The following ARNT2 variants were observed in gnomAD, a reference collection of about 807,000 sequenced individuals.
ARNT2 encodes the protein ARNT protein 2.
ARNT2 carries 36 observed loss-of-function variants against 91.7 expected under a neutral mutation model. That is an observed-to-expected ratio of 0.39 (90% CI 0.30 to 0.52). The LOEUF (loss-of-function observed/expected upper bound fraction) is 0.52, where lower values mean the gene tolerates loss of function less well. Ranked by LOEUF, ARNT2 falls within the 20% of genes least tolerant of loss-of-function variation. The pLI is 0.72. For synonymous variants in ARNT2, 365 were observed against 347.1 expected, an observed-to-expected ratio of 1.05 and a Z score of -0.57; for missense variants, 775 against 939.3, an observed-to-expected ratio of 0.83 and a Z score of 2.29.
intron 3 of ARNT2, among the ~76,000 whole-genome samples, chr15:80,459,404 G>A (rs575198358): frequency 1.3e-5 from 2 of 152,240 alleles, no homozygotes; most frequent in East Asian, 3.9e-4. Flanking sequence ...GGAAACAAGG[G>A]CACATATCTC....
intron 8 of ARNT2, among the ~76,000 whole-genome samples, chr15:80,514,613 G>A (rs537334432): frequency 2.6e-5 from 4 of 152,348 alleles, no homozygotes; most frequent in South Asian, 2.1e-4. Context: ...GCAACCAGAC[G>A]CAGTGGCTCA....
intron 8 of ARNT2, among the ~76,000 whole-genome samples, chr15:80,522,083 GT>G (rs1216199673): frequency 1.3e-5 from 2 of 152,064 alleles, no homozygotes; most frequent in Admixed American, 1.3e-4. Context: ...AAAAGAATGA[GT>G]TTTCTATATT....
At chr15:80,410,748 A>T (rs868051331) in intron 1 of ARNT2, among the ~76,000 whole-genome samples, 14 of 145,032 alleles carry the variant, frequency 9.7e-5, no homozygotes, top group African/African-American at 3.6e-4. Flanking sequence ...CCAGCAATCC[A>T]TTCATTTTTA....
At chr15:80,462,197 C>A (rs905183956) in intron 3 of ARNT2, among the ~76,000 whole-genome samples, 6 of 129,890 alleles carry the variant, frequency 4.6e-5, no homozygotes, top group Non-Finnish European at 1.0e-4. Flanking sequence ...TTTAATGGAC[C>A]CTTAGATTGA....
intron 8 of ARNT2, among the ~76,000 whole-genome samples, chr15:80,528,443 C>T (rs974689423): frequency 6.6e-6 from 1 of 151,548 alleles, no homozygotes; most frequent in Non-Finnish European, 1.5e-5. Flanking sequence ...CATCTATCTA[C>T]CTATCTGTCA....
chr15:80,515,654 T>C (rs1022513199), intron 8 of ARNT2, among the ~76,000 whole-genome samples: 6 of 151,624 alleles, frequency 4.0e-5, no homozygotes, highest in African/African-American at 9.7e-5. Context: ...TAAAATTACA[T>C]AGTGGTAATA....
intron 2 of ARNT2, among the ~76,000 whole-genome samples, chr15:80,457,356 A>G (rs1324914108): frequency 1.3e-5 from 2 of 152,198 alleles, no homozygotes; most frequent in African/African-American, 4.8e-5. Flanking sequence ...TAATAGGGCA[A>G]AGTCTTAAAT....
intron 8 of ARNT2, among the ~76,000 whole-genome samples, 192 bp downstream of exon 8, chr15:80,514,597 A>C (rs1897401610): frequency 6.6e-6 from 1 of 152,196 alleles, no homozygotes; most frequent in Non-Finnish European, 1.5e-5. Flanking sequence ...GTAAAGAGCT[A>C]ATTGTGCAAC....
intron 2 of ARNT2, among the ~76,000 whole-genome samples, chr15:80,453,680 G>GC (rs1896437397): frequency 6.6e-6 from 1 of 152,172 alleles, no homozygotes; most frequent in Non-Finnish European, 1.5e-5. Context: ...CTGCTCCTGT[G>GC]CCATGGCACG....
chr15:80,588,802 G>A (rs949361068), intron 17 of ARNT2, among the ~76,000 whole-genome samples: 2 of 152,090 alleles, frequency 1.3e-5, no homozygotes, highest in Non-Finnish European at 2.9e-5. Flanking sequence ...GGCTAGTTAG[G>A]TATCCCTCGT....
At position 80,591,425 on chromosome 15, in the gene ARNT2, C is replaced by T. The variant is rs376738592; in HGVS notation, c.1919-143C>T. On this transcript the variant is annotated intron_variant, in intron 17 of 18. Transcript: ENST00000303329. This position sits in a 1 kb window ranked among gnomAD's most constrained non-coding sequence, Gnocchi z 5.1. ...ATGATCTGTCAGCCAGTGAGAAAGA[C>T]GAGGATAGCAAACACATTCCGCCAG... 8 of 1,054,604 alleles carry T rather than the reference C, an allele frequency of 7.6e-6. No individual in the cohort carries two copies. Among genetic ancestry groups the T allele is most frequent in the East Asian group, 2.4e-5 (1 of 41,662 alleles). The allele number at this position is 1,054,604 out of a possible 1,614,324, so 65.3% of individuals were successfully genotyped here. A position where few individuals can be genotyped will look rare whatever the true frequency, so the allele number is the denominator to read the frequency against.
At position 80,591,694 on chromosome 15, in the gene ARNT2, A is replaced by C; in HGVS notation, c.2045A>C (p.Glu682Ala). ...QHSHQQPGQT[E>A]VFQDMLPMPG... The stretch of plus-strand genomic sequence containing the variant: ...TCCCACCAGCAGCCCGGTCAGACTG[A>C]AGTGTTCCAGGTAAATCGAGCGAGC... The change falls in exon 18 of 19, where the codon GAA (glutamate) becomes GCA (alanine). Residue 682 changes from glutamate to alanine, a missense_variant. Coordinates refer to ENST00000303329, the MANE Select transcript of ARNT2 (RefSeq NM_014862.4). The surrounding 1 kb of genome is among the most constrained non-coding windows in gnomAD (Gnocchi z 5.1). 6.2e-7 allele frequency: 1 copy of C among 1,613,984 alleles called. No homozygotes were observed. Among genetic ancestry groups the C allele is most frequent in the Non-Finnish European group, 8.5e-7 (1 of 1,179,908 alleles).
chr15:80,470,402 G>A lies in ARNT2; in HGVS notation c.379G>A (p.Ala127Thr), dbSNP rs758605791. The stretch of plus-strand genomic sequence containing the variant: ...TACAGGGAACAAGTCCACCGATGGC[G>A]CGTACAAGCCTTCCTTCCTCACAGA... ...RGTGNKSTDG[A>T]YKPSFLTEQE... The change falls in exon 4 of 19, where the codon GCG (alanine) becomes ACG (threonine). Residue 127 changes from alanine (A) to threonine (T), a missense_variant. Transcript: ENST00000303329. 5.7e-5 allele frequency: 92 copies of A among 1,614,054 alleles called. 1 individual carries two copies. The highest frequency in any genetic ancestry group is 1.6e-4 in the Middle Eastern group (1 of 6,084).
intron 5 of ARNT2, among the ~76,000 whole-genome samples, chr15:80,505,058 G>C (rs529107490): frequency 2.6e-5 from 4 of 152,164 alleles, no homozygotes; most frequent in Non-Finnish European, 2.9e-5. Flanking sequence ...AGTGTGACGC[G>C]ATCATTTGAT....
intron 1 of ARNT2, among the ~76,000 whole-genome samples, chr15:80,406,326 CT>C (rs1163202395): frequency 6.6e-6 from 1 of 152,186 alleles, no homozygotes; most frequent in Non-Finnish European, 1.5e-5. Context: ...AGGAACGTGG[CT>C]GGTCTGAAAA....
At chr15:80,417,958 G>A (rs1254596288) in intron 1 of ARNT2, among the ~76,000 whole-genome samples, 1 of 152,126 alleles carries the variant, frequency 6.6e-6, no homozygotes, top group African/African-American at 2.4e-5. Flanking sequence ...TATGTAAAAT[G>A]GGGGGTGATC....
intron 6 of ARNT2, among the ~76,000 whole-genome samples, chr15:80,508,870 C>T (rs1486679297): frequency 1.3e-5 from 2 of 152,120 alleles, no homozygotes; most frequent in Non-Finnish European, 2.9e-5. Context: ...GGGAATTTTG[C>T]CATGTCGTTG....
Position 80,522,325 on chromosome 15 carries a change from C to T in ARNT2, c.877+7920C>T, listed in dbSNP as rs147022075. 8.2e-4 allele frequency among the ~76,000 whole-genome samples: 125 copies of T among 152,282 alleles called. 3 individuals are homozygous for T. The East Asian group carries it at 0.023, about 28-fold the overall frequency. On this transcript the variant is annotated intron_variant, in intron 8 of 18. Transcript: ENST00000303329. ...CCTAAACTCATACAGCTAGTGCATA[C>T]ATAATGGAGCCAGAATGTGGACCCA...
chr15:80,524,208 T>A (rs1259048539), intron 8 of ARNT2, among the ~76,000 whole-genome samples: 1 of 152,134 alleles, frequency 6.6e-6, no homozygotes, highest in African/African-American at 2.4e-5. Flanking sequence ...TTTGTTACCA[T>A]CTCTTACCTA....
Sources: gnomAD v4.1 joint callset for allele counts (sites outside exome capture counted in the v4.1 genomes callset) on GRCh38, gnomAD v4.1.1 for gene constraint, Gnocchi (gnomAD v3.1) non-coding constraint, MANE v1.5 for transcripts, NCBI Gene and HGNC (gene_info 2026-07-23, HGNC 2026-07-21) for gene names.